Variants in SLC12A2 observed in about 807,000 individuals in gnomAD.
SLC12A2 encodes the protein solute carrier family 12 member 2.
In SLC12A2, 67 loss-of-function variants were observed where a neutral mutation model predicts 136.3. That is an observed-to-expected ratio of 0.49 (90% confidence interval 0.40 to 0.60). SLC12A2 has a LOEUF of 0.60. Ranked by LOEUF, SLC12A2 falls within the 20% of genes least tolerant of loss-of-function variation. The probability of loss-of-function intolerance (pLI) is 0.00; values close to 1 mark genes in which losing one functional copy is unlikely to be tolerated. For missense variants in SLC12A2, 1,322 were observed against 1,534.7 expected, an observed-to-expected ratio of 0.86 and a Z score of 2.32; for synonymous variants, 619 against 562.9, an observed-to-expected ratio of 1.10 and a Z score of -1.41.
chr5:128,178,604 C>T lies in SLC12A2; in HGVS notation c.3015C>T (p.Asp1005=), dbSNP rs1763604669. The stretch of plus-strand genomic sequence containing the variant: ...CTATTGTGCCTTTAAATGTAGCTGA[C>T]CAAAAGCTTCTTGAAGCTAGTACAC... ...KGPIVPLNVA[D]QKLLEASTQF... is the part of the protein sequence containing the mutation. Residue 1005 remains aspartate (D), a synonymous_variant, in exon 22 of 27, where the codon GAC becomes GAT. Coordinates refer to ENST00000262461, the MANE Select transcript of SLC12A2 (RefSeq NM_001046.3). 3.1e-6 allele frequency: 5 copies of T among 1,598,238 alleles called. No individual in the cohort carries two copies. In the South Asian group the frequency reaches 5.7e-5, roughly 18 times the overall value.
At chr5:128,184,574 A>C in intron 25 of SLC12A2, 73 bp downstream of exon 25, 1 of 1,362,070 alleles carries the variant, frequency 7.3e-7, no homozygotes, top group Middle Eastern at 2.2e-4. Context: ...CTTTAATTTG[A>C]TATAGGAGGG....
At chr5:128,156,092 G>T (rs149771807) in intron 15 of SLC12A2, among the ~76,000 whole-genome samples, 134 of 152,236 alleles carry the variant, frequency 8.8e-4, no homozygotes, top group Non-Finnish European at 1.6e-3. Flanking sequence ...TGATGGAAAT[G>T]ATTTAGATCC....
chr5:128,084,434 C>T lies in SLC12A2; in HGVS notation c.480C>T (p.Ala160=), dbSNP rs1309555721. ...CTGAAGACAGCCTGTCAGATGCTGCCGGGGTCGGAGTCGACGGGCCCAACG... is the reference window on the plus strand; with the variant it reads ...CTGAAGACAGCCTGTCAGATGCTGCTGGGGTCGGAGTCGACGGGCCCAACG... ...SSAEDSLSDA[A]GVGVDGPNVS... is the part of the protein sequence containing the mutation. Residue 160 remains alanine (A), a synonymous_variant, in exon 1 of 27, where the codon GCC becomes GCT. Coordinates refer to ENST00000262461, the MANE Select transcript of SLC12A2 (RefSeq NM_001046.3). This position sits in a 1 kb window ranked among gnomAD's most constrained non-coding sequence, Gnocchi z 5.6. The T allele has an allele frequency of 4.3e-6, 7 of 1,612,360 alleles. No homozygotes were observed. Among genetic ancestry groups the T allele is most frequent in the South Asian group, 1.1e-5 (1 of 90,992 alleles).
rs146791609 is a variant in SLC12A2, at chr5:128,161,897, A to C, written c.2616+97A>C. On this transcript the variant is annotated intron_variant, in intron 17 of 26. Transcript: ENST00000262461. ...AGATTTCATTCTTCATACTAATAAA[A>C]ATGGCAAATCTTTTTTTATGTCTTT... The C allele has an allele frequency of 1.0e-5, 9 of 857,180 alleles. No homozygotes were observed. In the African/African-American group the frequency reaches 1.6e-4, roughly 15 times the overall value. 53.1% of individuals were successfully genotyped at this position (857,180 alleles called of 1,614,324 possible). A position where few individuals can be genotyped will look rare whatever the true frequency, so the allele number is the denominator to read the frequency against.
chr5:128,136,275 A>G (rs754386918), intron 7 of SLC12A2, among the ~76,000 whole-genome samples: 1 of 152,126 alleles, frequency 6.6e-6, no homozygotes, highest in Admixed American at 6.5e-5. Context: ...ATTTGTTTTT[A>G]TAGATTCAGG....
intron 20 of SLC12A2, among the ~76,000 whole-genome samples, chr5:128,176,577 T>C (rs1451678813): frequency 6.6e-6 from 1 of 152,010 alleles, no homozygotes; most frequent in Non-Finnish European, 1.5e-5. Context: ...ATCACTCCTG[T>C]ATAACCTGGC....
intron 20 of SLC12A2, among the ~76,000 whole-genome samples, chr5:128,175,165 C>G (rs1763500125): frequency 6.6e-6 from 1 of 152,032 alleles, no homozygotes; most frequent in South Asian, 2.1e-4. Context: ...AGAAAATAAT[C>G]TGCGCTGTGA....
At chr5:128,178,469 A>G (rs533409266) in intron 21 of SLC12A2, 98 bp from the exon 22 acceptor site, 2 of 819,540 alleles carry the variant, frequency 2.4e-6, no homozygotes, top group South Asian at 5.6e-5. Flanking sequence ...TGTAGTATAA[A>G]CATCTGAATA....
At chr5:128,109,602 C>T (rs936053232) in intron 1 of SLC12A2, 3 of 741,100 alleles carry the variant, frequency 4.0e-6, no homozygotes, top group Admixed American at 3.6e-5. Context: ...AGGTTAAAAG[C>T]AGACATCGTC....
intron 4 of SLC12A2, among the ~76,000 whole-genome samples, chr5:128,128,487 AATT>A (rs1436104378): frequency 6.6e-6 from 1 of 151,978 alleles, no homozygotes; most frequent in African/African-American, 2.4e-5. Flanking sequence ...TTTTTAATAA[AATT>A]ATTTTCTATG....
chr5:128,110,541 A>G (rs1412516541), intron 1 of SLC12A2: 6 of 1,371,952 alleles, frequency 4.4e-6, no homozygotes, highest in Non-Finnish European at 6.2e-6. Context: ...CCATTGTGAA[A>G]CACATTTCAT....
chr5:128,165,658 TGA>T (rs1470698420), intron 17 of SLC12A2, among the ~76,000 whole-genome samples: 1 of 152,154 alleles, frequency 6.6e-6, no homozygotes, highest in Non-Finnish European at 1.5e-5. Flanking sequence ...GATTTAGGGA[TGA>T]GAGTGATAGA....
chr5:128,159,752 G>A (rs1055553765), intron 16 of SLC12A2, among the ~76,000 whole-genome samples: 2 of 152,196 alleles, frequency 1.3e-5, no homozygotes, highest in African/African-American at 2.4e-5. Context: ...ATGCTGGCAA[G>A]GATGTGGAGA....
At chr5:128,124,052 T>C (rs997874407) in intron 4 of SLC12A2, among the ~76,000 whole-genome samples, 14 of 152,258 alleles carry the variant, frequency 9.2e-5, no homozygotes, top group Non-Finnish European at 1.9e-4. Flanking sequence ...TACTTACCTT[T>C]GTGCTTTTCT....
intron 17 of SLC12A2, among the ~76,000 whole-genome samples, chr5:128,163,876 G>A (rs562800050): frequency 5.3e-5 from 8 of 152,206 alleles, no homozygotes; most frequent in East Asian, 1.9e-4. Flanking sequence ...TCTTAACGGC[G>A]CGGTAGATAC....
At chr5:128,170,529 A>G (rs933877442) in intron 18 of SLC12A2, 1 of 152,218 alleles carries the variant, frequency 6.6e-6, no homozygotes, top group Non-Finnish European at 1.5e-5. Context: ...TTGATTTCAT[A>G]TAGCTGTATC....
rs1763805920 is a variant in SLC12A2 at position 128,184,518 on chromosome 5, C to T, written c.3435+17C>T. The T allele has an allele frequency of 3.2e-6, 5 of 1,561,990 alleles. No individual in the cohort carries two copies. The highest frequency in any genetic ancestry group is 2.1e-5 in the Admixed American group (1 of 47,736). Reference sequence around the variant, plus strand: ...AAGACCAAGGTATTCTCTTCTGCTTCCTTTTCATTAATCTTTTATATAATA... The same window carrying T: ...AAGACCAAGGTATTCTCTTCTGCTTTCTTTTCATTAATCTTTTATATAATA... On this transcript the variant is annotated intron_variant, in intron 25 of 26. Transcript: ENST00000262461.
chr5:128,118,246 T>C (rs563983994), intron 4 of SLC12A2, among the ~76,000 whole-genome samples: 48 of 152,252 alleles, frequency 3.2e-4, no homozygotes, highest in African/African-American at 1.1e-3. Context: ...AATAAGTCAT[T>C]ATATGAAAAA....
At chr5:128,100,539 AAGGGATACTTAACC>A (rs1359074595) in intron 1 of SLC12A2, among the ~76,000 whole-genome samples, 1 of 152,176 alleles carries the variant, frequency 6.6e-6, no homozygotes, top group Admixed American at 6.5e-5. Context: ...CATTTTGGAC[AAGGGATACTTAACC>A]AGTATTCACA....
Sources: gnomAD v4.1 joint callset for allele counts (sites outside exome capture counted in the v4.1 genomes callset) on GRCh38, gnomAD v4.1.1 for gene constraint, Gnocchi (gnomAD v3.1) non-coding constraint, MANE v1.5 for transcripts, NCBI Gene and HGNC (gene_info 2026-07-23, HGNC 2026-07-21) for gene names.